The following DCAF5 variants were observed in gnomAD, a reference collection of about 807,000 sequenced individuals.
DCAF5 encodes the protein DDB1 and CUL4 associated factor 5.
A neutral mutation model predicts 80.7 loss-of-function variants in DCAF5; 9 were observed. That is an observed-to-expected ratio of 0.11 (90% CI 0.07 to 0.19). The LOEUF is 0.19. Ranked by LOEUF, DCAF5 falls within the 10% of genes least tolerant of loss-of-function variation. The pLI is 1.00. For missense variants in DCAF5, 842 were observed against 1,205.7 expected (o/e 0.70, Z 4.47); for synonymous variants, 433 against 461.9 (o/e 0.94, Z 0.80).
intron 6 of DCAF5, among the ~76,000 whole-genome samples, chr14:69,082,407 T>C (rs532397913): frequency 1.2e-4 from 18 of 152,368 alleles, no homozygotes; most frequent in Non-Finnish European, 1.3e-4. Context: ...ATTAGGCTTC[T>C]GGATCTTTCA....
intron 5 of DCAF5, among the ~76,000 whole-genome samples, chr14:69,115,679 C>T (rs1430791347): frequency 2.6e-5 from 4 of 152,180 alleles, no homozygotes; most frequent in African/African-American, 9.7e-5. Context: ...CCCATTCCCA[C>T]ATCCTTTAAT....
At chr14:69,093,230 G>T (rs1030915542) in intron 5 of DCAF5, among the ~76,000 whole-genome samples, 2 of 152,150 alleles carry the variant, frequency 1.3e-5, no homozygotes, top group African/African-American at 4.8e-5. Flanking sequence ...TTACTGGCAG[G>T]AAAGTGAAGT....
chr14:69,071,310 A>C (rs947199341), intron 7 of DCAF5, among the ~76,000 whole-genome samples: 3 of 150,070 alleles, frequency 2.0e-5, no homozygotes, highest in Non-Finnish European at 4.4e-5. Flanking sequence ...TTTGTATAGC[A>C]AAAAAAACAA....
At chr14:69,103,023 T>C (rs1224827720) in intron 5 of DCAF5, among the ~76,000 whole-genome samples, 1 of 152,146 alleles carries the variant, frequency 6.6e-6, no homozygotes, top group African/African-American at 2.4e-5. Flanking sequence ...CATTACCAGG[T>C]GACAGGAATT....
At chr14:69,060,041 C>T (rs143645404) in intron 8 of DCAF5, among the ~76,000 whole-genome samples, 1 of 152,110 alleles carries the variant, frequency 6.6e-6, no homozygotes, top group Non-Finnish European at 1.5e-5. Flanking sequence ...CACACTCAAG[C>T]AGGAATTCCT....
chr14:69,118,270 G>C lies in DCAF5; in HGVS notation c.404C>G (p.Thr135Arg). The change falls in exon 4 of 9, where the codon ACA becomes AGA. Residue 135 changes from threonine to arginine, a missense_variant. Transcript: ENST00000341516. This position sits in a 1 kb window ranked among gnomAD's most constrained non-coding sequence, Gnocchi z 4.0. ...ATCTTCATGAGCAAACACGTCCAAT[G>C]TCTCACTGCTGGGAGATAAGAGAGC... is the stretch of plus-strand genomic sequence containing the variant. Reference protein sequence around the residue: ...VILHDVESSETLDVFAHEDAV... With the variant: ...VILHDVESSERLDVFAHEDAV... 6.2e-7 allele frequency: 1 copy of C among 1,613,702 alleles called. No homozygotes were observed. The highest frequency in any genetic ancestry group is 8.5e-7 in the Non-Finnish European group (1 of 1,179,740).
intron 6 of DCAF5, among the ~76,000 whole-genome samples, chr14:69,082,599 A>C (rs1277757756): frequency 6.6e-6 from 1 of 152,234 alleles, no homozygotes; most frequent in Non-Finnish European, 1.5e-5. Context: ...TTTATTTGGC[A>C]AACCATTTTG....
intron 5 of DCAF5, among the ~76,000 whole-genome samples, chr14:69,094,477 C>T (rs896049365): frequency 5.3e-5 from 8 of 152,214 alleles, no homozygotes; most frequent in African/African-American, 1.7e-4. Flanking sequence ...AGGAATCTCA[C>T]TCCTAGAATG....
Position 69,075,375 on chromosome 14 carries a change from T to C in DCAF5, c.916A>G (p.Met306Val). The C allele has an allele frequency of 6.2e-7, 1 of 1,605,354 alleles. No homozygotes were observed. Among genetic ancestry groups the C allele is most frequent in the Non-Finnish European group, 8.5e-7 (1 of 1,174,108 alleles). Residue 306 changes from methionine to valine, a missense_variant, in exon 7 of 9, where the codon ATG becomes GTG. Met to Val is a conservative substitution (Grantham distance 21). Around this residue, in one of 5 missense-constraint regions of DCAF5, gnomAD observed 65 missense variants for 191.3 expected, o/e 0.34. Transcript: ENST00000341516. ...LSGSDDFNLY[M>V]WRIPADPEAG... The stretch of plus-strand genomic sequence containing the variant: ...TCTGGATCTGCAGGAATTCTCCACA[T>C]GTACAGGTTGAAGTCATCAGAGCCC...
chr14:69,122,525 T>C (rs960584973), intron 1 of DCAF5, among the ~76,000 whole-genome samples, 165 bp from the exon 2 acceptor site: 1 of 152,086 alleles, frequency 6.6e-6, no homozygotes, highest in African/African-American at 2.4e-5. Flanking sequence ...TCACCATCAA[T>C]AGGCACGTGT....
intron 6 of DCAF5, among the ~76,000 whole-genome samples, chr14:69,086,235 A>G (rs1201838539): frequency 2.0e-5 from 3 of 152,074 alleles, no homozygotes; most frequent in Non-Finnish European, 4.4e-5. Flanking sequence ...GCGCGTGCCT[A>G]TAATTCCAGC....
chr14:69,144,342 G>A (rs1466463374), intron 1 of DCAF5, among the ~76,000 whole-genome samples: 16 of 152,094 alleles, frequency 1.1e-4, no homozygotes. Flanking sequence ...GGAGGCCGAG[G>A]TGGGCGGATC....
chr14:69,098,114 C>A (rs971425105), intron 5 of DCAF5, among the ~76,000 whole-genome samples: 1 of 148,538 alleles, frequency 6.7e-6, no homozygotes, highest in South Asian at 2.2e-4. Flanking sequence ...TACCCTCATC[C>A]TTTATGTCTG....
At chr14:69,107,503 T>C (rs772329511) in intron 5 of DCAF5, among the ~76,000 whole-genome samples, 7 of 152,168 alleles carry the variant, frequency 4.6e-5, no homozygotes, top group Non-Finnish European at 1.0e-4. Flanking sequence ...CCTCAGGTGA[T>C]TCTGATGCCC....
chr14:69,121,818 C>T (rs1168936941), intron 2 of DCAF5, among the ~76,000 whole-genome samples: 2 of 152,088 alleles, frequency 1.3e-5, no homozygotes, highest in Admixed American at 6.6e-5. Flanking sequence ...TGGGTCAGGA[C>T]ATTCATCTGC....
intron 7 of DCAF5, among the ~76,000 whole-genome samples, chr14:69,066,660 G>A (rs2038456976): frequency 6.6e-6 from 1 of 152,158 alleles, no homozygotes; most frequent in Non-Finnish European, 1.5e-5. Context: ...AAAACACCTT[G>A]CTCAAAATTC....
Position 69,051,639 on chromosome 14 carries a change from A to G in DCAF5, c.*2218T>C, listed in dbSNP as rs2037764557. ...AATGAGATTAAGGCTTTTAACATGA[A>G]AAGACCAAGTTCTGCATTTGGGAAT... On this transcript the variant is annotated 3_prime_UTR_variant, in exon 9 of 9. Coordinates refer to ENST00000341516, the MANE Select transcript of DCAF5 (RefSeq NM_003861.3). 1 of 152,286 alleles carries G rather than the reference A, an allele frequency of 6.6e-6. No individual in the cohort carries two copies. Among genetic ancestry groups the G allele is most frequent in the South Asian group, 2.1e-4 (1 of 4,832 alleles). The allele number at this position is 152,286 out of a possible 1,614,324, so 9.4% of individuals were successfully genotyped here.
chr14:69,073,359 C>A (rs1202221442), intron 7 of DCAF5, among the ~76,000 whole-genome samples: 2 of 152,138 alleles, frequency 1.3e-5, no homozygotes. Flanking sequence ...CCAAACCTGC[C>A]AGCACCTTGA....
rs777818059 is a variant in DCAF5 at position 69,055,255 on chromosome 14, G to A, written c.1431C>T (p.Ala477=). The A allele has an allele frequency of 1.2e-5, 19 of 1,614,202 alleles. No individual in the cohort carries two copies. Among genetic ancestry groups the A allele is most frequent in the Non-Finnish European group, 1.3e-5 (15 of 1,180,040 alleles). Residue 477 remains alanine (A), a synonymous_variant, in exon 9 of 9, where the codon GCC becomes GCT. Coordinates refer to ENST00000341516, the MANE Select transcript of DCAF5 (RefSeq NM_003861.3). The surrounding 1 kb of genome is among the most constrained non-coding windows in gnomAD (Gnocchi z 5.6). ...GGGGCCCCAGGTGGAAGGCGTTGTCGGCAGACTCATCTACTGTGGGAGGCG... is the reference window on the plus strand; with the variant it reads ...GGGGCCCCAGGTGGAAGGCGTTGTCAGCAGACTCATCTACTGTGGGAGGCG... ...RSPPPTVDES[A]DNAFHLGPLR...
Sources: gnomAD v4.1 joint callset for allele counts (sites outside exome capture counted in the v4.1 genomes callset) on GRCh38, gnomAD v4.1.1 for gene constraint, gnomAD v4.1.1 regional missense constraint, Gnocchi (gnomAD v3.1) non-coding constraint, MANE v1.5 for transcripts, NCBI Gene and HGNC (gene_info 2026-07-23, HGNC 2026-07-21) for gene names.